PLAG1: variants seen among roughly 807,000 people sequenced by gnomAD.
PLAG1 encodes the protein PLAG1 zinc finger, also known as zinc finger protein PLAG1.
PLAG1 carries 7 observed loss-of-function variants against 35.5 expected under a neutral mutation model. The observed-to-expected ratio is 0.20, with a 90% CI of 0.11 to 0.37. The LOEUF (loss-of-function observed/expected upper bound fraction) is 0.37, where lower values mean the gene tolerates loss of function less well. Ranked by LOEUF, PLAG1 falls within the 10% of genes least tolerant of loss-of-function variation. The probability of loss-of-function intolerance (pLI) is 1.00; values close to 1 mark genes in which losing one functional copy is unlikely to be tolerated. For missense variants in PLAG1, 454 were observed against 602.8 expected (o/e 0.75, Z 2.58); for synonymous variants, 229 against 225.4 (o/e 1.02, Z -0.14).
rs574974076 is a variant in PLAG1 at position 56,180,165 on chromosome 8, G to C, written c.-321-652C>G. On this transcript the variant is annotated intron_variant, in intron 1 of 4. Transcript: ENST00000316981. The stretch of plus-strand genomic sequence containing the variant: ...ATGTTTGCATCCGTCTGTTGGTGCA[G>C]GTTATGAAGACTGATCTCTAGGGAT... Among the ~76,000 whole-genome samples, 480 of 152,324 alleles carry C rather than the reference G, an allele frequency of 3.2e-3. 2 individuals are homozygous for C. Among genetic ancestry groups the C allele is most frequent in the Non-Finnish European group, 5.2e-3 (357 of 68,032 alleles).
chr8:56,191,933 A>C (rs982293067), intron 1 of PLAG1, among the ~76,000 whole-genome samples: 11 of 152,218 alleles, frequency 7.2e-5, no homozygotes, highest in African/African-American at 2.7e-4. Flanking sequence ...ACTCAGTGTC[A>C]ATCTTTTAGG....
At chr8:56,191,021 A>G (rs193203305) in intron 1 of PLAG1, among the ~76,000 whole-genome samples, 1 of 152,320 alleles carries the variant, frequency 6.6e-6, no homozygotes, top group East Asian at 1.9e-4. Flanking sequence ...TACGGAATTT[A>G]AAGGGAATGG....
chr8:56,192,966 T>G (rs1483733152), intron 1 of PLAG1, among the ~76,000 whole-genome samples: 1 of 152,072 alleles, frequency 6.6e-6, no homozygotes, highest in East Asian at 1.9e-4. Flanking sequence ...AATGAGTAAC[T>G]GTGGGTCAAA....
At chr8:56,182,721 G>T (rs984190447) in intron 1 of PLAG1, among the ~76,000 whole-genome samples, 1 of 152,170 alleles carries the variant, frequency 6.6e-6, no homozygotes, top group African/African-American at 2.4e-5. Flanking sequence ...CGCACCTAAA[G>T]AGAAGAGAAA....
chr8:56,183,326 T>C (rs1029142193), intron 1 of PLAG1, among the ~76,000 whole-genome samples: 1 of 152,170 alleles, frequency 6.6e-6, no homozygotes, highest in East Asian at 1.9e-4. Flanking sequence ...CAAAGTATAT[T>C]TTAAGATTAA....
intron 1 of PLAG1, among the ~76,000 whole-genome samples, chr8:56,200,696 TCCTAA>T (rs1812523189): frequency 6.6e-6 from 1 of 152,166 alleles, no homozygotes; most frequent in South Asian, 2.1e-4. Context: ...CTTCTCTGTC[TCCTAA>T]CCTCTGCCAA....
At chr8:56,176,014 T>C (rs1307243494) in intron 2 of PLAG1, among the ~76,000 whole-genome samples, 1 of 152,018 alleles carries the variant, frequency 6.6e-6, no homozygotes, top group Non-Finnish European at 1.5e-5. Flanking sequence ...TTAAAAGTTT[T>C]TTTTCTCTTT....
At chr8:56,182,809 A>T (rs879729871) in intron 1 of PLAG1, among the ~76,000 whole-genome samples, 1 of 152,084 alleles carries the variant, frequency 6.6e-6, no homozygotes, top group African/African-American at 2.4e-5. Flanking sequence ...AGAGGCGGGG[A>T]AGAAAGTGGG....
chr8:56,181,892 A>G (rs575577114), intron 1 of PLAG1, among the ~76,000 whole-genome samples: 1 of 152,356 alleles, frequency 6.6e-6, no homozygotes, highest in South Asian at 2.1e-4. Flanking sequence ...ATATTTGGTG[A>G]TTTTTGCCTT....
chr8:56,201,658 T>C (rs1028578891), intron 1 of PLAG1, among the ~76,000 whole-genome samples: 1 of 152,192 alleles, frequency 6.6e-6, no homozygotes, highest in Admixed American at 6.5e-5. Context: ...TATAGGTCTG[T>C]CCATTCTAAA....
chr8:56,181,890 T>C (rs558707073), intron 1 of PLAG1, among the ~76,000 whole-genome samples: 1 of 152,308 alleles, frequency 6.6e-6, no homozygotes, highest in East Asian at 1.9e-4. Context: ...GGATATTTGG[T>C]GATTTTTGCC....
chr8:56,195,663 G>T (rs1328337679), intron 1 of PLAG1, among the ~76,000 whole-genome samples: 1 of 152,196 alleles, frequency 6.6e-6, no homozygotes, highest in African/African-American at 2.4e-5. Context: ...ATAGCCAGCA[G>T]CTGGAGAGAT....
At chr8:56,204,760 ATAAT>A (rs1426611135) in intron 1 of PLAG1, among the ~76,000 whole-genome samples, 5 of 151,906 alleles carry the variant, frequency 3.3e-5, no homozygotes, top group Non-Finnish European at 5.9e-5. Context: ...GTCTGCAATA[ATAAT>A]TCAAATATTT....
At chr8:56,203,459 C>T in intron 1 of PLAG1, among the ~76,000 whole-genome samples, 1 of 152,044 alleles carries the variant, frequency 6.6e-6, no homozygotes, top group East Asian at 1.9e-4. Context: ...ATGTCTTACA[C>T]CTTTTTCTTA....
At chr8:56,172,494 T>G (rs926070570) in intron 2 of PLAG1, among the ~76,000 whole-genome samples, 1 of 152,240 alleles carries the variant, frequency 6.6e-6, no homozygotes, top group Non-Finnish European at 1.5e-5. Context: ...CTGAGTTTTT[T>G]GTAGGGTAAT....
chr8:56,178,021 T>C, intron 2 of PLAG1: 1 of 982,232 alleles, frequency 1.0e-6, no homozygotes, highest in Non-Finnish European at 1.2e-6. Context: ...AGCCTGGACG[T>C]TTAGAACACT....
rs144464904 is a variant in PLAG1, at chr8:56,197,152, C to T, written c.-322+13969G>A. Among the ~76,000 whole-genome samples the T allele has an allele frequency of 1.1e-3, 161 of 152,178 alleles. 1 individual carries two copies. Among genetic ancestry groups the T allele is most frequent in the African/African-American group, 3.8e-3 (156 of 41,494 alleles). On this transcript the variant is annotated intron_variant, in intron 1 of 4. Transcript: ENST00000316981. ...AGACCAGGTGTCTGTGTCTCTCTCC[C>T]ACCTCTGCATGCTTCTGTGTGTGTA...
In PLAG1 at chr8:56,167,536, T is replaced by C. The variant is rs1166713871; in HGVS notation, c.243-33A>G. 1.4e-6 allele frequency: 2 copies of C among 1,422,848 alleles called. No individual in the cohort carries two copies. Among genetic ancestry groups the C allele is most frequent in the East Asian group, 4.7e-5 (2 of 42,292 alleles). The allele number at this position is 1,422,848 out of a possible 1,614,324, so 88.1% of individuals were successfully genotyped here. A position where few individuals can be genotyped will look rare whatever the true frequency, so the allele number is the denominator to read the frequency against. ...CACAGATATAATCTATAAGTAGTTA[T>C]TATGACAAAAATGGCATGTATTCAC... On this transcript the variant is annotated intron_variant, in intron 4 of 4. Coordinates refer to ENST00000316981, the MANE Select transcript of PLAG1 (RefSeq NM_002655.3). This position sits in a 1 kb window ranked among gnomAD's most constrained non-coding sequence, Gnocchi z 5.9.
At chr8:56,193,615 G>A (rs1053253556) in intron 1 of PLAG1, among the ~76,000 whole-genome samples, 3 of 151,992 alleles carry the variant, frequency 2.0e-5, no homozygotes, top group South Asian at 2.1e-4. Context: ...GAGGCTAAAC[G>A]GTTATTTCTA....
Sources: gnomAD v4.1 joint callset for allele counts (sites outside exome capture counted in the v4.1 genomes callset) on GRCh38, gnomAD v4.1.1 for gene constraint, Gnocchi (gnomAD v3.1) non-coding constraint, MANE v1.5 for transcripts, NCBI Gene and HGNC (gene_info 2026-07-23, HGNC 2026-07-21) for gene names.